NPPB: variants seen among roughly 807,000 people sequenced by gnomAD.
The protein encoded by NPPB is natriuretic peptide B.
A neutral mutation model predicts 12.7 loss-of-function variants in NPPB; 13 were observed. The ratio of observed to expected loss-of-function variants is 1.03; its 90% confidence interval spans 0.67 to 1.63. The LOEUF (loss-of-function observed/expected upper bound fraction) is 1.63, where lower values mean the gene tolerates loss of function less well. Among genes scored for constraint, NPPB ranks in the 40% most tolerant of loss-of-function variants. NPPB has a pLI of 0.00. For synonymous variants in NPPB, 66 were observed against 74.7 expected (o/e 0.88, Z 0.60); for missense variants, 184 against 172.9 (o/e 1.06, Z -0.36).
At position 11,858,693 on chromosome 1, in the gene NPPB, C is replaced by T. The variant is rs767024987; in HGVS notation, c.132+9G>A. Reference sequence around the variant, plus strand: ...TGTCCAATCCCCCTGAGCTGCCCTCCGCTCTCACCTGTAACCCGGACGTTT... The same window carrying T: ...TGTCCAATCCCCCTGAGCTGCCCTCTGCTCTCACCTGTAACCCGGACGTTT... On this transcript the variant is annotated intron_variant, in intron 1 of 2. Transcript: ENST00000376468. 6 of 1,614,148 alleles carry T rather than the reference C, an allele frequency of 3.7e-6. No homozygotes were observed. Among genetic ancestry groups the T allele is most frequent in the East Asian group, 2.2e-5 (1 of 44,872 alleles).
chr1:11,858,696 T>C lies in NPPB; in HGVS notation c.132+6A>G. 6.2e-7 allele frequency: 1 copy of C among 1,614,156 alleles called. No individual in the cohort carries two copies. The highest frequency in any genetic ancestry group is 8.5e-7 in the Non-Finnish European group (1 of 1,180,026). Reference sequence around the variant, plus strand: ...CCAATCCCCCTGAGCTGCCCTCCGCTCTCACCTGTAACCCGGACGTTTCCA... The same window carrying C: ...CCAATCCCCCTGAGCTGCCCTCCGCCCTCACCTGTAACCCGGACGTTTCCA... On this transcript the variant is annotated splice_donor_region_variant and intron_variant, in intron 1 of 2. Coordinates refer to ENST00000376468, the MANE Select transcript of NPPB (RefSeq NM_002521.3).
At chr1:11,858,192 CG>C in intron 2 of NPPB, 21 bp downstream of exon 2, 1 of 1,573,612 alleles carries the variant, frequency 6.4e-7, no homozygotes, top group Non-Finnish European at 8.6e-7. Context: ...GGAAGGCGGC[CG>C]GGGTGGCAGG....
rs1000622449 is a variant in NPPB at position 11,858,870 on chromosome 1, T to A, written c.-37A>T. ...GACTGCGGAGGCTGCTGCTGCTGCT[T>A]CTGCTGCTGCTGCTGCTGCTGCGAT... On this transcript the variant is annotated 5_prime_UTR_variant, in exon 1 of 3. Transcript: ENST00000376468. The A allele has an allele frequency of 1.1e-5, 18 of 1,607,698 alleles. No homozygotes were observed. The highest frequency in any genetic ancestry group is 1.4e-5 in the Non-Finnish European group (17 of 1,176,544).
In NPPB at chr1:11,858,262, C is replaced by T; in HGVS notation, c.340G>A (p.Gly114Arg). Residue 114 changes from glycine to arginine, a missense_variant, in exon 2 of 3, where the codon GGG (glycine) becomes AGG (arginine). By Grantham distance (125) the Gly-to-Arg change is moderately radical. Coordinates refer to ENST00000376468, the MANE Select transcript of NPPB (RefSeq NM_002521.3). ...PKMVQGSGCFGRKMDRISSSS... is the reference protein window; with the variant it reads ...PKMVQGSGCFRRKMDRISSSS... The stretch of plus-strand genomic sequence containing the variant: ...GAGCTGATCCGGTCCATCTTCCTCC[C>T]AAAGCAGCCAGACCCTTGCACCATC... 1.9e-6 allele frequency: 3 copies of T among 1,613,834 alleles called. No homozygotes were observed. Among genetic ancestry groups the T allele is most frequent in the Non-Finnish European group, 2.5e-6 (3 of 1,179,824 alleles).
At chr1:11,858,101 G>T in intron 2 of NPPB, 113 bp downstream of exon 2, 1 of 1,040,146 alleles carries the variant, frequency 9.6e-7, no homozygotes, top group Non-Finnish European at 1.4e-6. Context: ...GCGATGTCCA[G>T]GTGACCTTTT....
In NPPB at chr1:11,858,200, C is replaced by T. The variant is rs1230191111; in HGVS notation, c.388+14G>A. The stretch of plus-strand genomic sequence containing the variant: ...GAATGGGGGAAGGCGGCCGGGGTGG[C>T]AGGGGGTGCTTACCTTTGCAGCCCA... On this transcript the variant is annotated intron_variant, in intron 2 of 2. Coordinates refer to ENST00000376468, the MANE Select transcript of NPPB (RefSeq NM_002521.3). 3.8e-6 allele frequency: 6 copies of T among 1,583,600 alleles called. No homozygotes were observed. The highest frequency in any genetic ancestry group is 5.2e-6 in the Non-Finnish European group (6 of 1,162,424).
chr1:11,858,549 C>G, intron 1 of NPPB, 80 bp from the exon 2 acceptor site: 1 of 1,554,050 alleles, frequency 6.4e-7, no homozygotes, highest in Non-Finnish European at 8.7e-7. Flanking sequence ...AGTGAACCGA[C>G]TGCCTTGGGT....
At position 11,858,385 on chromosome 1, in the gene NPPB, G is replaced by T. The variant is rs528239186; in HGVS notation, c.217C>A (p.Pro73Thr). 115 of 1,600,166 alleles carry T rather than the reference G, an allele frequency of 7.2e-5. No homozygotes were observed. Among genetic ancestry groups the T allele is most frequent in the Non-Finnish European group, 9.3e-5 (109 of 1,172,028 alleles). Reference protein sequence around the residue: ...SLEPLQESPRPTGVWKSREVA... With the variant: ...SLEPLQESPRTTGVWKSREVA... ...TCCCGGGACTTCCAGACACCTGTGG[G>T]ACGGGGGCTCTCCTGGAGGGGCTCC... is the stretch of plus-strand genomic sequence containing the variant. The change falls in exon 2 of 3, where the codon CCC (proline) becomes ACC (threonine). Residue 73 changes from proline to threonine, a missense_variant. Physicochemically the swap from Pro to Thr is conservative, Grantham distance 38 (BLOSUM62 -1). Transcript: ENST00000376468.
Position 11,858,842 on chromosome 1 carries a change from A to G in NPPB, c.-9T>C. 2 of 1,613,054 alleles carry G rather than the reference A, an allele frequency of 1.2e-6. No homozygotes were observed. Among genetic ancestry groups the G allele is most frequent in the Admixed American group, 1.7e-5 (1 of 59,978 alleles). On this transcript the variant is annotated 5_prime_UTR_variant, in exon 1 of 3. Transcript: ENST00000376468. ...GCTGTCTGGGGATCCATGTCTCTGG[A>G]GGGACTGCGGAGGCTGCTGCTGCTG...
intron 2 of NPPB, 52 bp downstream of exon 2, chr1:11,858,162 G>A: frequency 6.6e-7 from 1 of 1,509,150 alleles, no homozygotes; most frequent in Non-Finnish European, 9.0e-7. Context: ...GACTCTAACA[G>A]TGTCACACAC....
chr1:11,858,564 G>T (rs1645135047), intron 1 of NPPB, 95 bp from the exon 2 acceptor site: 14 of 1,576,254 alleles, frequency 8.9e-6, no homozygotes, highest in Non-Finnish European at 1.1e-5. Context: ...TTGGGTACAG[G>T]GTCAGGGCAC....
At position 11,857,586 on chromosome 1, in the gene NPPB, G is replaced by A. The variant is rs910929953; in HGVS notation, c.*69C>T. 6.7e-7 allele frequency: 1 copy of A among 1,490,232 alleles called. No individual in the cohort carries two copies. The highest frequency in any genetic ancestry group is 9.4e-7 in the Non-Finnish European group (1 of 1,068,162). The allele number at this position is 1,490,232 out of a possible 1,614,324, so 92.3% of individuals were successfully genotyped here. On this transcript the variant is annotated 3_prime_UTR_variant, in exon 3 of 3. Coordinates refer to ENST00000376468, the MANE Select transcript of NPPB (RefSeq NM_002521.3). Reference sequence around the variant, plus strand: ...ATTAAAAAAATGAGTCACTTCAAAGGCGGCCACAGGGTTGAGGAAAAAGCC... The same window carrying A: ...ATTAAAAAAATGAGTCACTTCAAAGACGGCCACAGGGTTGAGGAAAAAGCC...
Position 11,857,584 on chromosome 1 carries a change from A to G in NPPB, c.*71T>C. 1.4e-6 allele frequency: 2 copies of G among 1,478,098 alleles called. No homozygotes were observed. The highest frequency in any genetic ancestry group is 1.9e-6 in the Non-Finnish European group (2 of 1,057,142). 91.6% of individuals were successfully genotyped at this position (1,478,098 alleles called of 1,614,324 possible). A position where few individuals can be genotyped will look rare whatever the true frequency, so the allele number is the denominator to read the frequency against. ...ACATTAAAAAAATGAGTCACTTCAA[A>G]GGCGGCCACAGGGTTGAGGAAAAAG... On this transcript the variant is annotated 3_prime_UTR_variant, in exon 3 of 3. Coordinates refer to ENST00000376468, the MANE Select transcript of NPPB (RefSeq NM_002521.3).
At chr1:11,858,630 C>T in intron 1 of NPPB, 72 bp downstream of exon 1, 2 of 1,608,316 alleles carry the variant, frequency 1.2e-6, no homozygotes, top group Non-Finnish European at 1.7e-6. Context: ...AAGATGAGGG[C>T]CTCTTGGGAC....
Position 11,858,219 on chromosome 1 carries a change from C to A in NPPB, c.383G>T (p.Cys128Phe). ...DRISSSSGLG[C>F]KVLRRH Reference sequence around the variant, plus strand: ...GGGTGGCAGGGGGTGCTTACCTTTGCAGCCCAGGCCACTGGAGGAGCTGAT... The same window carrying A: ...GGGTGGCAGGGGGTGCTTACCTTTGAAGCCCAGGCCACTGGAGGAGCTGAT... Residue 128 changes from cysteine to phenylalanine, a missense_variant, in exon 2 of 3, where the codon TGC becomes TTC. By Grantham distance (205) the Cys-to-Phe change is radical (BLOSUM62 -2). Coordinates refer to ENST00000376468, the MANE Select transcript of NPPB (RefSeq NM_002521.3). 6.2e-7 allele frequency: 1 copy of A among 1,602,762 alleles called. No homozygotes were observed. The highest frequency in any genetic ancestry group is 8.5e-7 in the Non-Finnish European group (1 of 1,173,344).
At chr1:11,858,579 T>G in intron 1 of NPPB, 110 bp from the exon 2 acceptor site, 1 of 1,584,098 alleles carries the variant, frequency 6.3e-7, no homozygotes, top group Non-Finnish European at 8.6e-7. Context: ...GGGCACCCAG[T>G]CTCTCCATTT....
intron 2 of NPPB, 110 bp downstream of exon 2, chr1:11,858,104 G>T: frequency 1.9e-6 from 2 of 1,061,768 alleles, no homozygotes; most frequent in Non-Finnish European, 2.7e-6. Flanking sequence ...ATGTCCAGGT[G>T]ACCTTTTCTC....
Position 11,858,877 on chromosome 1 carries a change from C to T in NPPB, c.-44G>A. ...GAGGCTGCTGCTGCTGCTTCTGCTG[C>T]TGCTGCTGCTGCTGCGATGCGTCCG... On this transcript the variant is annotated 5_prime_UTR_variant, in exon 1 of 3. Transcript: ENST00000376468. 1 of 1,607,582 alleles carries T rather than the reference C, an allele frequency of 6.2e-7. No homozygotes were observed. Among genetic ancestry groups the T allele is most frequent in the Non-Finnish European group, 8.5e-7 (1 of 1,175,982 alleles).
At position 11,858,754 on chromosome 1, in the gene NPPB, TG is replaced by T; in HGVS notation, c.79del (p.His27ThrfsTer56). The T allele has an allele frequency of 6.2e-7, 1 of 1,613,924 alleles. No individual in the cohort carries two copies. Among genetic ancestry groups the T allele is most frequent in the Non-Finnish European group, 8.5e-7 (1 of 1,179,954 alleles). On this transcript the variant is annotated frameshift_variant, in exon 1 of 3. Transcript: ENST00000376468. LOFTEE classifies it high-confidence loss of function. Reference protein sequence around the residue: ...LHLAFLGGRSHPLGSPGSASD... With the variant: ...LHLAFLGGRSXPLGSPGSASD... ...GGCTGAACCGGGGCTGCCCAGCGGG[TG>T]GGAACGACCTCCCAGGAAAGCCAGA... is the stretch of plus-strand genomic sequence containing the variant.
Sources: allele counts gnomAD v4.1 joint callset, GRCh38; gene constraint gnomAD v4.1.1; transcripts MANE v1.5; gene names NCBI Gene and HGNC (gene_info 2026-07-23, HGNC 2026-07-21).